Variants in LRFN2 observed in about 807,000 individuals in gnomAD.
LRFN2 encodes leucine-rich repeat and fibronectin type-III domain-containing protein 2.
A neutral mutation model predicts 37.3 loss-of-function variants in LRFN2; 18 were observed. The observed-to-expected ratio is 0.48, with a 90% CI of 0.33 to 0.72. The LOEUF (loss-of-function observed/expected upper bound fraction) is 0.72, where lower values mean the gene tolerates loss of function less well. Ranked by LOEUF, LRFN2 falls within the 30% of genes least tolerant of loss-of-function variation. The pLI is 0.02. For missense variants in LRFN2, 1,006 were observed against 1,060.7 expected (o/e 0.95, Z 0.72); for synonymous variants, 556 against 466.6 (o/e 1.19, Z -2.47).
intron 1 of LRFN2, among the ~76,000 whole-genome samples, chr6:40,562,812 C>T (rs997379594): frequency 2.0e-5 from 3 of 147,960 alleles, no homozygotes; most frequent in Non-Finnish European, 3.0e-5. Flanking sequence ...CACATGTGAG[C>T]GTGCTTATGT....
At chr6:40,414,575 G>A (rs1471280188) in intron 2 of LRFN2, among the ~76,000 whole-genome samples, 1 of 152,168 alleles carries the variant, frequency 6.6e-6, no homozygotes, top group East Asian at 1.9e-4. Flanking sequence ...TAGCACTTTT[G>A]ACCTAATTCC....
chr6:40,555,619 C>T (rs1766860537), intron 1 of LRFN2, among the ~76,000 whole-genome samples: 1 of 152,128 alleles, frequency 6.6e-6, no homozygotes. Context: ...TTCTCAGCCC[C>T]ACATCCTTGC....
At chr6:40,395,220 G>T (rs989691253) in intron 2 of LRFN2, among the ~76,000 whole-genome samples, 4 of 152,168 alleles carry the variant, frequency 2.6e-5, no homozygotes, top group South Asian at 2.1e-4. Flanking sequence ...AAATGGCTGA[G>T]ACTCAGAGAG....
chr6:40,454,841 G>A (rs1011651276), intron 1 of LRFN2, among the ~76,000 whole-genome samples: 1 of 152,186 alleles, frequency 6.6e-6, no homozygotes, highest in Admixed American at 6.5e-5. Context: ...TATGTGAAAT[G>A]CTGAGTTGCA....
chr6:40,579,145 C>G (rs1767345770), intron 1 of LRFN2, among the ~76,000 whole-genome samples: 1 of 152,330 alleles, frequency 6.6e-6, no homozygotes, highest in South Asian at 2.1e-4. Flanking sequence ...TTCACAGATT[C>G]TTGCCCCTCA....
At chr6:40,522,085 C>T (rs577676397) in intron 1 of LRFN2, among the ~76,000 whole-genome samples, 10 of 152,250 alleles carry the variant, frequency 6.6e-5, no homozygotes, top group East Asian at 1.9e-4. Context: ...CAGAGCCAGA[C>T]GTTGTATGTG....
At chr6:40,526,135 G>A (rs1766249440) in intron 1 of LRFN2, among the ~76,000 whole-genome samples, 1 of 152,246 alleles carries the variant, frequency 6.6e-6, no homozygotes, top group Non-Finnish European at 1.5e-5. Context: ...TCTGCAACAA[G>A]AGTGCTACTG....
At chr6:40,467,201 ATGATGATG>A (rs1007410024) in intron 1 of LRFN2, among the ~76,000 whole-genome samples, 6 of 150,394 alleles carry the variant, frequency 4.0e-5, no homozygotes, top group African/African-American at 7.5e-5. Flanking sequence ...GATGATGATG[ATGATGATG>A]TGTGTGTGTG....
intron 1 of LRFN2, among the ~76,000 whole-genome samples, chr6:40,450,983 C>A (rs999078978): frequency 3.3e-5 from 5 of 152,304 alleles, no homozygotes; most frequent in African/African-American, 1.2e-4. Context: ...ATAGGTGCCA[C>A]TCACCTCAAA....
chr6:40,401,492 T>C (rs1762740246), intron 2 of LRFN2, among the ~76,000 whole-genome samples: 1 of 152,166 alleles, frequency 6.6e-6, no homozygotes, highest in African/African-American at 2.4e-5. Context: ...CCTGATAACC[T>C]GGCACACCGC....
chr6:40,580,012 G>T lies in LRFN2; in HGVS notation c.-19+6929C>A, dbSNP rs566609514. On this transcript the variant is annotated intron_variant, in intron 1 of 2. Coordinates refer to ENST00000338305, the MANE Select transcript of LRFN2 (RefSeq NM_020737.3). ...AGGTAGCACTTCAGAGCAAGCTAAA[G>T]GAATGGCAGGCAGAAAAGCACAGAA... Among the ~76,000 whole-genome samples the T allele has an allele frequency of 2.0e-5, 3 of 152,302 alleles. No homozygotes were observed. The East Asian group carries it at 5.8e-4, about 29-fold the overall frequency.
intron 1 of LRFN2, among the ~76,000 whole-genome samples, chr6:40,550,760 C>T (rs894655777): frequency 1.3e-5 from 2 of 152,136 alleles, no homozygotes; most frequent in Non-Finnish European, 2.9e-5. Context: ...TACCATTTAA[C>T]AAGTCAGTGC....
At chr6:40,452,507 A>G (rs892374398) in intron 1 of LRFN2, among the ~76,000 whole-genome samples, 3 of 152,236 alleles carry the variant, frequency 2.0e-5, no homozygotes, top group African/African-American at 7.2e-5. Flanking sequence ...ACTTCAGAGC[A>G]TCCTGACATG....
intron 1 of LRFN2, among the ~76,000 whole-genome samples, chr6:40,568,507 C>T (rs1454047030): frequency 6.6e-6 from 1 of 152,148 alleles, no homozygotes; most frequent in Non-Finnish European, 1.5e-5. Context: ...TACAGGCATC[C>T]CCACAAGACG....
chr6:40,402,605 A>C lies in LRFN2; in HGVS notation c.1401-9693T>G, dbSNP rs977813837. ...GGGAGGTACTAGTCTTATTATCATT[A>C]TGGATGAGAAAATCAAGGTTCCAAG... On this transcript the variant is annotated intron_variant, in intron 2 of 2. Coordinates refer to ENST00000338305, the MANE Select transcript of LRFN2 (RefSeq NM_020737.3). Among the ~76,000 whole-genome samples the C allele has an allele frequency of 1.1e-4, 16 of 152,332 alleles. 1 individual carries two copies. Among genetic ancestry groups the C allele is most frequent in the Admixed American group, 1.0e-3 (16 of 15,298 alleles).
intron 1 of LRFN2, among the ~76,000 whole-genome samples, chr6:40,496,151 C>T (rs947027762): frequency 5.3e-5 from 8 of 152,194 alleles, no homozygotes; most frequent in Admixed American, 3.3e-4. Flanking sequence ...CCCTAAGTCT[C>T]TTTGGCTCTA....
intron 1 of LRFN2, among the ~76,000 whole-genome samples, chr6:40,514,771 A>T (rs1041629041): frequency 2.0e-5 from 3 of 152,228 alleles, no homozygotes; most frequent in African/African-American, 7.2e-5. Flanking sequence ...TTGACCATAT[A>T]ACCCTTCTCA....
At chr6:40,577,773 T>TA (rs766110810) in intron 1 of LRFN2, among the ~76,000 whole-genome samples, 5,477 of 91,010 alleles carry the variant, frequency 0.06, 152 homozygotes, top group African/African-American at 0.11. Flanking sequence ...TAAAGTATAA[T>TA]AAAAAAAAAA....
At chr6:40,533,296 T>A (rs537782663) in intron 1 of LRFN2, among the ~76,000 whole-genome samples, 1 of 151,932 alleles carries the variant, frequency 6.6e-6, no homozygotes, top group Non-Finnish European at 1.5e-5. Flanking sequence ...ATGTACCAAT[T>A]GAATTTTTAA....
Sources: gnomAD v4.1 joint callset for allele counts (sites outside exome capture counted in the v4.1 genomes callset) on GRCh38, gnomAD v4.1.1 for gene constraint, MANE v1.5 for transcripts, NCBI Gene and HGNC (gene_info 2026-07-23, HGNC 2026-07-21) for gene names.